Variants in RIT2 observed in about 807,000 individuals in gnomAD.
The protein encoded by RIT2 is Ras like without CAAX 2.
RIT2 carries 24 observed loss-of-function variants against 23.7 expected under a neutral mutation model. The observed-to-expected ratio is 1.01, with a 90% CI of 0.73 to 1.43. The LOEUF (loss-of-function observed/expected upper bound fraction) is 1.43. Ranked by LOEUF, RIT2 falls within the 40% of genes most tolerant of loss-of-function variation. RIT2 has a pLI of 0.00. For missense variants in RIT2, 236 were observed against 266.9 expected (o/e 0.88, Z 0.81); for synonymous variants, 107 against 91.1 (o/e 1.17, Z -0.99).
intron 2 of RIT2, among the ~76,000 whole-genome samples, chr18:43,026,634 A>AAGAAAGAGAGAGAGAG (rs1555652917): frequency 4.0e-5 from 4 of 100,278 alleles, no homozygotes; most frequent in Non-Finnish European, 9.2e-5. Context: ...GAAAGAAAGA[A>AAGAAAGAGAGAGAGAG]AGAGAGAAAG....
chr18:42,889,350 AC>A (rs941061366), intron 4 of RIT2, among the ~76,000 whole-genome samples: 1 of 151,974 alleles, frequency 6.6e-6, no homozygotes, highest in Non-Finnish European at 1.5e-5. Context: ...TAATTCCTTA[AC>A]TTTACCACAT....
At chr18:42,992,884 T>C (rs746887230) in intron 2 of RIT2, among the ~76,000 whole-genome samples, 2 of 152,154 alleles carry the variant, frequency 1.3e-5, no homozygotes, top group Non-Finnish European at 2.9e-5. Flanking sequence ...AAGGCCGTTT[T>C]ATTATCAATA....
At chr18:42,904,322 A>G (rs1908555051) in intron 4 of RIT2, among the ~76,000 whole-genome samples, 2 of 152,176 alleles carry the variant, frequency 1.3e-5, no homozygotes, top group Admixed American at 1.3e-4. Context: ...CAGATACACT[A>G]TGGGTAGCAA....
At chr18:42,818,802 T>C (rs886974392) in intron 4 of RIT2, among the ~76,000 whole-genome samples, 1 of 151,994 alleles carries the variant, frequency 6.6e-6, no homozygotes, top group Non-Finnish European at 1.5e-5. Context: ...TGTGGTAGAG[T>C]GAACAGTGAC....
intron 2 of RIT2, among the ~76,000 whole-genome samples, chr18:43,032,188 G>T (rs1331597474): frequency 1.3e-5 from 2 of 152,124 alleles, no homozygotes; most frequent in East Asian, 3.9e-4. Context: ...GAATGTCCAG[G>T]TATCTTAATC....
At chr18:42,794,136 T>C (rs1914102081) in intron 4 of RIT2, among the ~76,000 whole-genome samples, 1 of 152,220 alleles carries the variant, frequency 6.6e-6, no homozygotes, top group African/African-American at 2.4e-5. Context: ...GTTCACTCTT[T>C]CTGGTGAAGG....
chr18:43,039,412 G>A (rs1423753271), intron 1 of RIT2, among the ~76,000 whole-genome samples: 10 of 148,580 alleles, frequency 6.7e-5, no homozygotes, highest in Admixed American at 1.4e-4. Context: ...GCAATGGTGC[G>A]ATCTAAGCTC....
At chr18:42,984,500 T>C (rs1323299330) in intron 2 of RIT2, among the ~76,000 whole-genome samples, 1 of 152,074 alleles carries the variant, frequency 6.6e-6, no homozygotes, top group Non-Finnish European at 1.5e-5. Context: ...ATATCCTGTT[T>C]GTGACACTTC....
chr18:42,900,530 C>T (rs956835676), intron 4 of RIT2, among the ~76,000 whole-genome samples: 1 of 151,964 alleles, frequency 6.6e-6, no homozygotes, highest in Non-Finnish European at 1.5e-5. Context: ...CAAGAAAATA[C>T]CTTTTAGTCA....
chr18:42,795,353 G>A (rs1056936168), intron 4 of RIT2, among the ~76,000 whole-genome samples: 1 of 152,226 alleles, frequency 6.6e-6, no homozygotes, highest in African/African-American at 2.4e-5. Flanking sequence ...CCAGCCCCGG[G>A]CAATGAGGGA....
intron 4 of RIT2, among the ~76,000 whole-genome samples, chr18:42,886,366 A>C (rs1202850989): frequency 6.6e-6 from 1 of 152,226 alleles, no homozygotes; most frequent in African/African-American, 2.4e-5. Context: ...GATAAAAATT[A>C]TGCTAGACAT....
At chr18:42,986,749 G>A (rs1910719382) in intron 2 of RIT2, among the ~76,000 whole-genome samples, 1 of 152,042 alleles carries the variant, frequency 6.6e-6, no homozygotes, top group Non-Finnish European at 1.5e-5. Context: ...TGATCTGCCT[G>A]ACTTGGCCTC....
chr18:42,888,104 T>C (rs1055238204), intron 4 of RIT2, among the ~76,000 whole-genome samples: 1 of 151,978 alleles, frequency 6.6e-6, no homozygotes, highest in African/African-American at 2.4e-5. Flanking sequence ...TTTGTCAAAA[T>C]ACATAGGAAG....
intron 1 of RIT2, among the ~76,000 whole-genome samples, chr18:43,069,362 C>T (rs1190457523): frequency 1.3e-5 from 2 of 152,092 alleles, no homozygotes; most frequent in African/African-American, 2.4e-5. Flanking sequence ...ACTGTGGACT[C>T]GCTCTGAATT....
At chr18:42,957,788 A>AATTAATTAACTAATTAATTGATTC (rs1910007033) in intron 3 of RIT2, among the ~76,000 whole-genome samples, 4 of 152,250 alleles carry the variant, frequency 2.6e-5, no homozygotes, top group South Asian at 4.2e-4. Context: ...CTTCTCAAAA[A>AATTAATTAACTAATTAATTGATTC]ATTAATTAAC....
rs1912836085 is a variant in RIT2, at chr18:42,743,333, T to C, written c.*160A>G. On this transcript the variant is annotated 3_prime_UTR_variant, in exon 5 of 5. Coordinates refer to ENST00000326695, the MANE Select transcript of RIT2 (RefSeq NM_002930.4). ...CCAACTGTTAAAGGCAAAACAAAAC[T>C]ATCTCAAGAGGTACAGATATGCAGA... The C allele has an allele frequency of 9.7e-6, 6 of 618,914 alleles. No homozygotes were observed. The South Asian group carries it at 1.0e-4, about 10-fold the overall frequency. The allele number at this position is 618,914 out of a possible 1,614,324, so 38.3% of individuals were successfully genotyped here.
chr18:42,744,492 A>C (rs1357235430), intron 4 of RIT2, among the ~76,000 whole-genome samples: 1 of 152,226 alleles, frequency 6.6e-6, no homozygotes, highest in Non-Finnish European at 1.5e-5. Context: ...TGGTCAAAGA[A>C]TAGCTTTATA....
At chr18:42,925,853 C>T (rs980800939) in intron 3 of RIT2, among the ~76,000 whole-genome samples, 6 of 151,440 alleles carry the variant, frequency 4.0e-5, no homozygotes, top group South Asian at 4.2e-4. Flanking sequence ...AATGTAGCAG[C>T]GCTAATATAC....
At chr18:42,769,943 G>A (rs557608657) in intron 4 of RIT2, among the ~76,000 whole-genome samples, 19 of 151,824 alleles carry the variant, frequency 1.3e-4, no homozygotes, top group African/African-American at 4.1e-4. Context: ...TAGGAAAAGG[G>A]CAGAGTGTCA....
Sources: allele counts gnomAD v4.1 joint callset (sites outside exome capture counted in the v4.1 genomes callset), GRCh38; gene constraint gnomAD v4.1.1; transcripts MANE v1.5; gene names NCBI Gene and HGNC (gene_info 2026-07-23, HGNC 2026-07-21).